Variants in TGM4 observed in about 807,000 individuals in gnomAD.
TGM4 encodes transglutaminase 4.
Under a neutral mutation model 76.3 loss-of-function variants are expected in TGM4, and 61 were observed. That is an observed-to-expected ratio of 0.80 (90% CI 0.65 to 0.99). TGM4 has a LOEUF of 0.99. Among genes scored for constraint, TGM4 ranks in the 50% least tolerant of loss-of-function variants. The probability of loss-of-function intolerance (pLI) is 0.00; values close to 1 mark genes in which losing one functional copy is unlikely to be tolerated. For synonymous variants in TGM4, 337 were observed against 329.8 expected, an observed-to-expected ratio of 1.02 and a Z score of -0.24; for missense variants, 794 against 843.2, an observed-to-expected ratio of 0.94 and a Z score of 0.72.
At chr3:44,890,056 G>A (rs1240670127) in intron 3 of TGM4, among the ~76,000 whole-genome samples, 1 of 152,180 alleles carries the variant, frequency 6.6e-6, no homozygotes, top group Non-Finnish European at 1.5e-5. Context: ...AGAAAGAGCA[G>A]GGGAAACTGC....
At chr3:44,889,866 T>C (rs1699665261) in intron 3 of TGM4, among the ~76,000 whole-genome samples, 1 of 152,156 alleles carries the variant, frequency 6.6e-6, no homozygotes, top group South Asian at 2.1e-4. Context: ...TAGGCACCTG[T>C]ATTAGTCCAT....
Position 44,910,211 on chromosome 3 carries a change from G to T in TGM4, c.1449G>T (p.Leu483=). The part of the protein sequence containing the change: ...LHMSVQSDDV[L]LGNSVNFTVI... ...TGTCGGTACAATCAGATGATGTGCT[G>T]CTGGGAAACTCTGTTAATTTCACCG... The change falls in exon 11 of 14, where the codon CTG becomes CTT. Residue 483 remains leucine (L), a synonymous_variant. Coordinates refer to ENST00000296125, the MANE Select transcript of TGM4 (RefSeq NM_003241.4). 1.2e-6 allele frequency: 2 copies of T among 1,614,198 alleles called. No homozygotes were observed. Among genetic ancestry groups the T allele is most frequent in the Non-Finnish European group, 1.7e-6 (2 of 1,180,032 alleles).
At chr3:44,900,368 C>G (rs4683002) in intron 6 of TGM4, among the ~76,000 whole-genome samples, 74,108 of 151,994 alleles carry the variant, frequency 0.49, 18,629 homozygotes, top group East Asian at 0.81. Flanking sequence ...TTGAGTCTGG[C>G]GGTGGCCTCT....
chr3:44,913,252 T>A (rs1015902002), intron 13 of TGM4, among the ~76,000 whole-genome samples: 1 of 152,196 alleles, frequency 6.6e-6, no homozygotes, highest in Admixed American at 6.5e-5. Context: ...CATGTTCCTC[T>A]TAGATTTTAT....
At chr3:44,899,768 G>A (rs919792195) in intron 6 of TGM4, 3 of 152,306 alleles carry the variant, frequency 2.0e-5, no homozygotes, top group African/African-American at 7.2e-5. Flanking sequence ...TGGTTTAGCT[G>A]AATGTTCTGG....
intron 1 of TGM4, among the ~76,000 whole-genome samples, chr3:44,880,327 G>A (rs1699515154): frequency 6.6e-6 from 1 of 152,234 alleles, no homozygotes; most frequent in Admixed American, 6.5e-5. Flanking sequence ...GTGACTAGGA[G>A]CCAGTTTCTG....
At chr3:44,886,161 T>C (rs936034508) in intron 2 of TGM4, among the ~76,000 whole-genome samples, 1 of 152,164 alleles carries the variant, frequency 6.6e-6, no homozygotes, top group African/African-American at 2.4e-5. Context: ...CTGGCCAACA[T>C]GGTGAAACCC....
At position 44,893,711 on chromosome 3, in the gene TGM4, CT is replaced by C. The variant is rs1232698655; in HGVS notation, c.549+18del. 6.2e-6 allele frequency: 10 copies of C among 1,607,648 alleles called. No homozygotes were observed. The highest frequency in any genetic ancestry group is 8.5e-6 in the Non-Finnish European group (10 of 1,174,376). On this transcript the variant is annotated intron_variant, in intron 5 of 13. Transcript: ENST00000296125. ...CTTTGGTCAGGTAATGATTTGTCGT[CT>C]TGTGGCTGCACCAGGCCCCATCTGC...
intron 2 of TGM4, among the ~76,000 whole-genome samples, chr3:44,887,267 AG>A (rs1159118970): frequency 6.6e-6 from 1 of 152,226 alleles, no homozygotes; most frequent in Non-Finnish European, 1.5e-5. Context: ...AACAGCTTGC[AG>A]GGTAGGCGGT....
At chr3:44,878,208 A>G (rs947547314) in intron 1 of TGM4, among the ~76,000 whole-genome samples, 1 of 151,874 alleles carries the variant, frequency 6.6e-6, no homozygotes, top group Non-Finnish European at 1.5e-5. Context: ...GGTGGTTAGG[A>G]GATAAATTTC....
intron 6 of TGM4, among the ~76,000 whole-genome samples, chr3:44,898,610 C>G (rs1419946355): frequency 6.6e-6 from 1 of 152,184 alleles, no homozygotes; most frequent in Non-Finnish European, 1.5e-5. Context: ...GGGTGGCAGG[C>G]AGACGTATGT....
At chr3:44,893,520 GC>G in intron 4 of TGM4, 56 bp from the exon 5 acceptor site, 1 of 1,493,378 alleles carries the variant, frequency 6.7e-7, no homozygotes, top group South Asian at 1.1e-5. Flanking sequence ...CCATTGGCAA[GC>G]CTGCTCCTGT....
chr3:44,874,632 A>G lies in TGM4; in HGVS notation c.-47A>G. ...GACCGACTGTGTGGAAGCACCAGGC[A>G]TCAGAGATAGAGTCTTCCCTGGCAT... On this transcript the variant is annotated 5_prime_UTR_variant, in exon 1 of 14. Transcript: ENST00000296125. The G allele has an allele frequency of 1.2e-6, 2 of 1,613,562 alleles. No homozygotes were observed. Among genetic ancestry groups the G allele is most frequent in the Non-Finnish European group, 1.7e-6 (2 of 1,179,510 alleles).
chr3:44,883,032 C>T (rs1428766719), intron 1 of TGM4, among the ~76,000 whole-genome samples: 1 of 152,168 alleles, frequency 6.6e-6, no homozygotes, highest in Non-Finnish European at 1.5e-5. Flanking sequence ...AAACCTATAC[C>T]TTTACCCCTT....
At chr3:44,901,466 G>A in intron 6 of TGM4, 58 bp from the exon 7 acceptor site, 2 of 1,527,328 alleles carry the variant, frequency 1.3e-6, no homozygotes, top group Non-Finnish European at 8.8e-7. Context: ...AAGCTGGGCT[G>A]GCAGCACCTT....
At chr3:44,879,462 A>G (rs1281896292) in intron 1 of TGM4, among the ~76,000 whole-genome samples, 3 of 148,112 alleles carry the variant, frequency 2.0e-5, no homozygotes, top group African/African-American at 7.5e-5. Flanking sequence ...ATGTGCCACC[A>G]AGCCTGGCTA....
chr3:44,908,846 C>T (rs1699962559), intron 10 of TGM4, among the ~76,000 whole-genome samples: 5 of 152,030 alleles, frequency 3.3e-5, no homozygotes, highest in Admixed American at 3.3e-4. Context: ...CATGTTCCTA[C>T]CCTGCCACCC....
chr3:44,888,510 C>T (rs1046504596), intron 3 of TGM4: 1 of 152,294 alleles, frequency 6.6e-6, no homozygotes, highest in African/African-American at 2.4e-5. Flanking sequence ...GCCCCGGCCT[C>T]TTCCTTCCTC....
intron 1 of TGM4, among the ~76,000 whole-genome samples, chr3:44,880,645 C>G (rs1044414177): frequency 6.6e-6 from 1 of 152,176 alleles, no homozygotes; most frequent in Admixed American, 6.5e-5. Context: ...GCAGGTCTTC[C>G]AAGAGTCCTC....
Sources: gnomAD v4.1 joint callset for allele counts (sites outside exome capture counted in the v4.1 genomes callset) on GRCh38, gnomAD v4.1.1 for gene constraint, MANE v1.5 for transcripts, NCBI Gene and HGNC (gene_info 2026-07-23, HGNC 2026-07-21) for gene names.